Variants in PHACTR4 observed in about 807,000 individuals in gnomAD.
The protein encoded by PHACTR4 is phosphatase and actin regulator 4.
A neutral mutation model predicts 72.7 loss-of-function variants in PHACTR4; 51 were observed. The ratio of observed to expected loss-of-function variants is 0.70; its 90% CI spans 0.56 to 0.89. PHACTR4 has a LOEUF of 0.89. Among genes scored for constraint, PHACTR4 ranks in the 40% least tolerant of loss-of-function variants. The pLI is 0.00. For synonymous variants in PHACTR4, 255 were observed against 302.5 expected, an observed-to-expected ratio of 0.84 and a Z score of 1.63; for missense variants, 731 against 861.8, an observed-to-expected ratio of 0.85 and a Z score of 1.90.
At chr1:28,410,642 T>C (rs560925192) in intron 2 of PHACTR4, among the ~76,000 whole-genome samples, 68 of 152,212 alleles carry the variant, frequency 4.5e-4, no homozygotes, top group Non-Finnish European at 8.8e-4. Flanking sequence ...AATGTGCTTT[T>C]GATTGTTTAC....
chr1:28,396,039 TATA>T (rs1314403731), intron 1 of PHACTR4, among the ~76,000 whole-genome samples: 1 of 148,868 alleles, frequency 6.7e-6, no homozygotes, highest in Non-Finnish European at 1.5e-5. Flanking sequence ...TAAGTCTCTA[TATA>T]ATGTTTCATT....
At chr1:28,475,434 T>C (rs533036476) in intron 7 of PHACTR4, among the ~76,000 whole-genome samples, 3 of 152,268 alleles carry the variant, frequency 2.0e-5, no homozygotes, top group Non-Finnish European at 2.9e-5. Flanking sequence ...TGGGTTCAAA[T>C]TGCAGCACTA....
intron 2 of PHACTR4, among the ~76,000 whole-genome samples, chr1:28,429,113 A>T (rs561825847): frequency 3.9e-4 from 60 of 152,288 alleles, no homozygotes; most frequent in Non-Finnish European, 5.6e-4. Context: ...CACATAAATA[A>T]ACCAGTATTA....
intron 2 of PHACTR4, among the ~76,000 whole-genome samples, chr1:28,441,118 C>T (rs1236499652): frequency 6.6e-6 from 1 of 151,982 alleles, no homozygotes; most frequent in Non-Finnish European, 1.5e-5. Flanking sequence ...TGTCTATGCC[C>T]TCAAGAAGTT....
At chr1:28,376,422 C>T (rs1651675949) in intron 1 of PHACTR4, among the ~76,000 whole-genome samples, 1 of 151,766 alleles carries the variant, frequency 6.6e-6, no homozygotes, top group African/African-American at 2.4e-5. Context: ...CTCAAGCACT[C>T]CTCCCACCTC....
chr1:28,460,152 A>AGT (rs1658693846), intron 3 of PHACTR4, 60 bp from the exon 4 acceptor site: 1 of 1,104,338 alleles, frequency 9.1e-7, no homozygotes, highest in African/African-American at 1.6e-5. Flanking sequence ...TAGAATGCTA[A>AGT]GTGTAAGGTT....
At chr1:28,413,128 C>T (rs1220838404) in intron 2 of PHACTR4, among the ~76,000 whole-genome samples, 2 of 152,094 alleles carry the variant, frequency 1.3e-5, no homozygotes, top group African/African-American at 4.8e-5. Context: ...GGTTGGGGAC[C>T]GCTGGGTTAA....
At chr1:28,443,748 C>T (rs112912967) in intron 2 of PHACTR4, among the ~76,000 whole-genome samples, 114 of 152,248 alleles carry the variant, frequency 7.5e-4, no homozygotes, top group African/African-American at 2.7e-3. Context: ...AGCTAGTACA[C>T]CTGGCTCATT....
chr1:28,447,738 T>C (rs532382114), intron 2 of PHACTR4, among the ~76,000 whole-genome samples: 23 of 152,268 alleles, frequency 1.5e-4, no homozygotes, highest in African/African-American at 5.1e-4. Context: ...GATACAATCA[T>C]AGGCAGAAAA....
At chr1:28,454,984 C>G (rs1489538970) in intron 2 of PHACTR4, among the ~76,000 whole-genome samples, 1 of 151,948 alleles carries the variant, frequency 6.6e-6, no homozygotes, top group Non-Finnish European at 1.5e-5. Context: ...CTCAGCCTCC[C>G]AAGTAGCTGG....
At chr1:28,465,165 G>A (rs1216040752) in intron 4 of PHACTR4, among the ~76,000 whole-genome samples, 2 of 151,992 alleles carry the variant, frequency 1.3e-5, no homozygotes, top group African/African-American at 2.4e-5. Flanking sequence ...AGAAAGGTTA[G>A]AAATCACCAA....
intron 1 of PHACTR4, among the ~76,000 whole-genome samples, chr1:28,383,547 C>G (rs1031505702): frequency 1.3e-5 from 2 of 151,920 alleles, no homozygotes; most frequent in Non-Finnish European, 2.9e-5. Context: ...TTGTAGTTCT[C>G]TTTGTAGAGA....
At chr1:28,396,659 G>A (rs1653523893) in intron 1 of PHACTR4, among the ~76,000 whole-genome samples, 1 of 150,640 alleles carries the variant, frequency 6.6e-6, no homozygotes, top group Admixed American at 6.6e-5. Flanking sequence ...CTCTAGTGAT[G>A]TGCTTTTTTT....
chr1:28,406,311 T>A (rs776872429), intron 1 of PHACTR4, among the ~76,000 whole-genome samples: 1 of 152,130 alleles, frequency 6.6e-6, no homozygotes, highest in African/African-American at 2.4e-5. Context: ...TCTTCAAGAT[T>A]TAACTTGGTA....
chr1:28,492,923 A>T, intron 12 of PHACTR4, 92 bp from the exon 13 acceptor site: 1 of 1,145,330 alleles, frequency 8.7e-7, no homozygotes, highest in Non-Finnish European at 1.3e-6. Context: ...GCAGTGACTT[A>T]CAAAGTTAAA....
chr1:28,421,666 G>T (rs959824799), intron 2 of PHACTR4, among the ~76,000 whole-genome samples: 1 of 152,098 alleles, frequency 6.6e-6, no homozygotes, highest in South Asian at 2.1e-4. Context: ...TCCCCGCACA[G>T]GGTGAGTCAG....
chr1:28,440,280 C>T, intron 2 of PHACTR4, among the ~76,000 whole-genome samples: 1 of 107,088 alleles, frequency 9.3e-6, no homozygotes, highest in African/African-American at 3.8e-5. Context: ...CCAGCCTGGG[C>T]GACAGAGCGA....
Position 28,480,453 on chromosome 1 carries a change from G to C in PHACTR4, c.1609G>C (p.Ala537Pro), listed in dbSNP as rs72661785. Residue 537 changes from alanine (A) to proline (P), a missense_variant and splice_region_variant, in exon 9 of 14, where the codon GCT becomes CCT. Physicochemically the swap from Ala to Pro is conservative, Grantham distance 27. Coordinates refer to ENST00000373839, the MANE Select transcript of PHACTR4 (RefSeq NM_001048183.3). ...TTTTTTCTTCCCCGTGTGCAAAGGT[G>C]CTCTCGCCAACAAAGTGAAGAGGAA... ...EEDEDESYQS[A>P]LANKVKRKDT... 18,220 of 1,613,806 alleles carry C rather than the reference G, an allele frequency of 0.011. 142 individuals are homozygous for C. Among genetic ancestry groups the C allele is most frequent in the Middle Eastern group, 0.025 (149 of 6,062 alleles).
At chr1:28,439,922 CAAT>C (rs1360323522) in intron 2 of PHACTR4, among the ~76,000 whole-genome samples, 3 of 152,126 alleles carry the variant, frequency 2.0e-5, no homozygotes, top group East Asian at 1.9e-4. Context: ...CTTTGACAAA[CAAT>C]AAATTGTAAA....
Sources: gnomAD v4.1 joint callset for allele counts (sites outside exome capture counted in the v4.1 genomes callset) on GRCh38, gnomAD v4.1.1 for gene constraint, MANE v1.5 for transcripts, NCBI Gene and HGNC (gene_info 2026-07-23, HGNC 2026-07-21) for gene names.